The following DLGAP1 variants were observed in gnomAD, a reference collection of about 807,000 sequenced individuals.
The protein encoded by DLGAP1 is DLG associated protein 1.
DLGAP1 carries 11 observed loss-of-function variants against 90.8 expected under a neutral mutation model. That is an observed-to-expected ratio of 0.12 (90% confidence interval 0.08 to 0.20). The LOEUF is 0.20. Ranked by LOEUF, DLGAP1 falls within the 10% of genes least tolerant of loss-of-function variation. The pLI is 1.00. For missense variants in DLGAP1, 1,050 were observed against 1,333.8 expected (o/e 0.79, Z 3.31); for synonymous variants, 558 against 540.7 (o/e 1.03, Z -0.44).
rs146666073 is a variant in DLGAP1, at chr18:3,867,064, T to G, written c.957+12048A>C. 2.5e-3 allele frequency among the ~76,000 whole-genome samples: 378 copies of G among 152,216 alleles called. 4 individuals carry two copies. In the East Asian group the frequency reaches 0.049, roughly 20 times the overall value. Reference sequence around the variant, plus strand: ...AGACGGGGTTTCACTATGTTGGCCATGCTGGTCTTGAACTCCTGACCTCGT... The same window carrying G: ...AGACGGGGTTTCACTATGTTGGCCAGGCTGGTCTTGAACTCCTGACCTCGT... On this transcript the variant is annotated intron_variant, in intron 4 of 12. Transcript: ENST00000315677.
chr18:3,752,003 C>T (rs764453983), intron 5 of DLGAP1, among the ~76,000 whole-genome samples: 8 of 151,376 alleles, frequency 5.3e-5, no homozygotes, highest in Non-Finnish European at 1.0e-4. Flanking sequence ...CCTACCTCAG[C>T]CTCCCAGGTA....
At chr18:3,846,956 A>T (rs1324124313) in intron 4 of DLGAP1, among the ~76,000 whole-genome samples, 1 of 152,232 alleles carries the variant, frequency 6.6e-6, no homozygotes, top group Non-Finnish European at 1.5e-5. Flanking sequence ...AATAAAATTT[A>T]TTTTAACATG....
intron 5 of DLGAP1, among the ~76,000 whole-genome samples, chr18:3,769,418 G>A (rs1033091529): frequency 6.6e-6 from 1 of 152,148 alleles, no homozygotes; most frequent in African/African-American, 2.4e-5. Context: ...GAGAAATGAA[G>A]CGTATGTTCA....
chr18:3,914,663 T>A (rs1371138348), intron 3 of DLGAP1, among the ~76,000 whole-genome samples: 1 of 152,256 alleles, frequency 6.6e-6, no homozygotes, highest in South Asian at 2.1e-4. Flanking sequence ...GCAGCTGTAC[T>A]ATTTTATGTT....
chr18:3,756,942 A>G lies in DLGAP1; in HGVS notation c.1173-14430T>C, dbSNP rs574926633. Reference sequence around the variant, plus strand: ...AGCTAAATAAATTTAATTTTTAAATAAAAATCTTTCCATAAATAATAGTTC... The same window carrying G: ...AGCTAAATAAATTTAATTTTTAAATGAAAATCTTTCCATAAATAATAGTTC... On this transcript the variant is annotated intron_variant, in intron 5 of 12. Coordinates refer to ENST00000315677, the MANE Select transcript of DLGAP1 (RefSeq NM_004746.4). Among the ~76,000 whole-genome samples the G allele has an allele frequency of 1.5e-4, 23 of 152,364 alleles. No homozygotes were observed. In the East Asian group the frequency reaches 3.5e-3, roughly 23 times the overall value.
chr18:4,396,020 C>T (rs1485747747), intron 1 of DLGAP1, among the ~76,000 whole-genome samples: 2 of 152,194 alleles, frequency 1.3e-5, no homozygotes, highest in Non-Finnish European at 2.9e-5. Flanking sequence ...TATGAAGGAG[C>T]ATCCACTAAC....
chr18:3,513,207 T>A (rs954359107), intron 10 of DLGAP1, among the ~76,000 whole-genome samples: 7 of 152,252 alleles, frequency 4.6e-5, no homozygotes, highest in Admixed American at 1.3e-4. Context: ...CAGAATTTCC[T>A]TCTTTTTCAA....
intron 1 of DLGAP1, among the ~76,000 whole-genome samples, chr18:4,398,096 C>A (rs1479273041): frequency 1.3e-5 from 2 of 151,998 alleles, no homozygotes; most frequent in African/African-American, 2.4e-5. Context: ...CAATGTATAT[C>A]AAAATTAATG....
At chr18:3,970,128 A>G (rs2073414705) in intron 3 of DLGAP1, among the ~76,000 whole-genome samples, 1 of 152,226 alleles carries the variant, frequency 6.6e-6, no homozygotes, top group Non-Finnish European at 1.5e-5. Flanking sequence ...TGAAAATGCA[A>G]AATTTAAGAT....
intron 2 of DLGAP1, among the ~76,000 whole-genome samples, chr18:4,051,012 T>C (rs977536381): frequency 5.9e-5 from 9 of 152,354 alleles, no homozygotes; most frequent in African/African-American, 2.2e-4. Flanking sequence ...TGTTGTTATA[T>C]GTCACTTGTT....
At chr18:4,429,470 A>G (rs1012111020) in intron 1 of DLGAP1, among the ~76,000 whole-genome samples, 3 of 152,352 alleles carry the variant, frequency 2.0e-5, no homozygotes, top group African/African-American at 7.2e-5. Flanking sequence ...AACATTGTAC[A>G]TGCATTTCTT....
intron 8 of DLGAP1, among the ~76,000 whole-genome samples, chr18:3,569,791 A>C (rs2054659208): frequency 6.6e-6 from 1 of 151,932 alleles, no homozygotes. Flanking sequence ...CTGATACCAA[A>C]CTTTACTCAC....
intron 2 of DLGAP1, among the ~76,000 whole-genome samples, chr18:4,037,130 G>A (rs2074901316): frequency 6.6e-6 from 1 of 152,210 alleles, no homozygotes; most frequent in Non-Finnish European, 1.5e-5. Flanking sequence ...TTCAGAAGAT[G>A]AAGAGAGTTG....
intron 7 of DLGAP1, among the ~76,000 whole-genome samples, chr18:3,693,895 T>C (rs974962154): frequency 2.0e-5 from 3 of 152,242 alleles, no homozygotes; most frequent in Middle Eastern, 3.4e-3. Context: ...TTTTTTTTAT[T>C]ATAGTTTTAA....
chr18:3,857,664 T>C lies in DLGAP1; in HGVS notation c.957+21448A>G, dbSNP rs142295750. ...ACTTTTCTGGCCTATTTTTATGACC[T>C]TTCTTAGTGCTTTTCCTATGATTCC... On this transcript the variant is annotated intron_variant, in intron 4 of 12. Transcript: ENST00000315677. Among the ~76,000 whole-genome samples, 804 of 152,280 alleles carry C rather than the reference T, an allele frequency of 5.3e-3. 10 individuals are homozygous for C. Among genetic ancestry groups the C allele is most frequent in the African/African-American group, 0.018 (765 of 41,542 alleles).
chr18:4,378,162 C>G lies in DLGAP1; in HGVS notation c.-267+76844G>C, dbSNP rs1045645591. On this transcript the variant is annotated intron_variant, in intron 1 of 12. Transcript: ENST00000315677. The surrounding 1 kb of genome is among the most constrained non-coding windows in gnomAD (Gnocchi z 4.5). ...ATTATATATATTTGAAAAAAGTCTG[C>G]AAAGATACTACAAACTATGGTTATC... is the stretch of plus-strand genomic sequence containing the variant. Among the ~76,000 whole-genome samples, 4 of 149,786 alleles carry G rather than the reference C, an allele frequency of 2.7e-5. No individual in the cohort carries two copies. The highest frequency in any genetic ancestry group is 4.4e-5 in the Non-Finnish European group (3 of 67,542).
rs1463971132 is a variant in DLGAP1 at position 3,711,949 on chromosome 18, T to TA, written c.1591+17185dup. On this transcript the variant is annotated intron_variant, in intron 7 of 12. Coordinates refer to ENST00000315677, the MANE Select transcript of DLGAP1 (RefSeq NM_004746.4). This position sits in a 1 kb window ranked among gnomAD's most constrained non-coding sequence, Gnocchi z 4.0. ...GGGATGGGCTGTGGGAAGGGAGGCATACAGAAATGTATAAGGAGGCATGAG... is the reference window on the plus strand; with the variant it reads ...GGGATGGGCTGTGGGAAGGGAGGCATAACAGAAATGTATAAGGAGGCATGAG... Among the ~76,000 whole-genome samples, 1 of 152,050 alleles carries TA rather than the reference T, an allele frequency of 6.6e-6. No individual in the cohort carries two copies. The highest frequency in any genetic ancestry group is 6.5e-5 in the Admixed American group (1 of 15,268).
intron 1 of DLGAP1, among the ~76,000 whole-genome samples, chr18:4,417,525 T>C (rs77708435): frequency 0.016 from 2,418 of 152,262 alleles, 67 homozygotes; most frequent in African/African-American, 0.053. Context: ...TAGAGACTTC[T>C]AGTTTTCGCT....
chr18:4,413,480 T>C (rs2082826544), intron 1 of DLGAP1, among the ~76,000 whole-genome samples: 1 of 152,154 alleles, frequency 6.6e-6, no homozygotes, highest in Admixed American at 6.5e-5. Flanking sequence ...ACATCTCCAT[T>C]CAATTCCTCC....
Sources: allele counts gnomAD v4.1 joint callset (sites outside exome capture counted in the v4.1 genomes callset), GRCh38; gene constraint gnomAD v4.1.1; non-coding constraint Gnocchi (gnomAD v3.1); transcripts MANE v1.5; gene names NCBI Gene and HGNC (gene_info 2026-07-23, HGNC 2026-07-21).